The following TLN2 variants were observed in gnomAD, a reference collection of about 807,000 sequenced individuals.
The protein encoded by TLN2 is talin 2, also known as talin-2.
In TLN2, 118 loss-of-function variants were observed where a neutral mutation model predicts 294.7. The ratio of observed to expected loss-of-function variants is 0.40; its 90% confidence interval spans 0.34 to 0.47. The LOEUF (loss-of-function observed/expected upper bound fraction) is 0.47, where lower values mean the gene tolerates loss of function less well. Among genes scored for constraint, TLN2 ranks in the 20% least tolerant of loss-of-function variants. The pLI, the probability that TLN2 is intolerant of heterozygous loss-of-function variation, is 0.84. For missense variants in TLN2, 3,083 were observed against 3,282.2 expected (o/e 0.94, Z 1.48); for synonymous variants, 1,431 against 1,304.5 (o/e 1.10, Z -2.09).
intron 54 of TLN2, among the ~76,000 whole-genome samples, chr15:62,824,943 C>G (rs1459513776): frequency 6.6e-6 from 1 of 152,194 alleles, no homozygotes; most frequent in Non-Finnish European, 1.5e-5. Flanking sequence ...ATGGTTTAAA[C>G]AGGTAGTCAT....
In TLN2 at chr15:62,833,481, ATGCTGTTTT is replaced by A; in HGVS notation, c.7003-22_7003-14del. ...CCTTTGTGGATATGAATTGAATGTG[ATGCTGTTTT>A]CTTTTGGTTATAGCAAGCGGATGAG... On this transcript the variant is annotated splice_polypyrimidine_tract_variant and intron_variant, in intron 54 of 58. Transcript: ENST00000636159. 4.3e-6 allele frequency: 7 copies of A among 1,611,798 alleles called. No individual in the cohort carries two copies. Among genetic ancestry groups the A allele is most frequent in the Non-Finnish European group, 5.9e-6 (7 of 1,178,560 alleles).
rs1006297265 is a variant in TLN2 at position 62,653,421 on chromosome 15, T to G, written c.517+107T>G. On this transcript the variant is annotated intron_variant, in intron 7 of 58. Transcript: ENST00000636159. The stretch of plus-strand genomic sequence containing the variant: ...GGACAGGACTTTTGATTTTTGTTTT[T>G]AAAACTCTATTTTAAAAAAGTAGGC... 3.7e-6 allele frequency: 5 copies of G among 1,338,800 alleles called. No individual in the cohort carries two copies. The African/African-American group carries it at 4.5e-5, about 12-fold the overall frequency. The allele number at this position is 1,338,800 out of a possible 1,614,324, so 82.9% of individuals were successfully genotyped here.
intron 1 of TLN2, among the ~76,000 whole-genome samples, chr15:62,477,270 T>C (rs1182194424): frequency 6.6e-6 from 1 of 152,230 alleles, no homozygotes; most frequent in Non-Finnish European, 1.5e-5. Flanking sequence ...TCTAACAAGA[T>C]ACAGGTGATG....
rs529302514 is a variant in TLN2, at chr15:62,722,259, G to A, written c.2992-94G>A. ...ATTCCTTTTTTTTAGGACAAAATCA[G>A]TTCTTACTGCTGTGGAGACCTCGCT... On this transcript the variant is annotated intron_variant, in intron 25 of 58. Transcript: ENST00000636159. The A allele has an allele frequency of 4.5e-5, 62 of 1,374,580 alleles. 2 individuals carry two copies. In the South Asian group the frequency reaches 9.4e-4, roughly 21 times the overall value. 85.1% of individuals were successfully genotyped at this position (1,374,580 alleles called of 1,614,324 possible).
intron 2 of TLN2, among the ~76,000 whole-genome samples, chr15:62,612,609 C>T (rs984530767): frequency 1.3e-5 from 2 of 152,160 alleles, no homozygotes; most frequent in African/African-American, 4.8e-5. Flanking sequence ...GTCTGAGATA[C>T]AGTGGATAAT....
At chr15:62,604,219 T>A (rs886689512) in intron 2 of TLN2, among the ~76,000 whole-genome samples, 3 of 152,156 alleles carry the variant, frequency 2.0e-5, no homozygotes, top group South Asian at 2.1e-4. Flanking sequence ...AGGGAGCTGC[T>A]CAAAAGGGTT....
At chr15:62,467,459 G>T (rs1022966723) in intron 1 of TLN2, among the ~76,000 whole-genome samples, 1 of 152,138 alleles carries the variant, frequency 6.6e-6, no homozygotes, top group African/African-American at 2.4e-5. Flanking sequence ...TTGGGAGGTC[G>T]AGGTGGGTGG....
At chr15:62,408,772 C>A (rs1425397390) in intron 1 of TLN2, among the ~76,000 whole-genome samples, 1 of 151,958 alleles carries the variant, frequency 6.6e-6, no homozygotes, top group African/African-American at 2.4e-5. Flanking sequence ...TTTGGTAGTC[C>A]AAATTAATTG....
intron 1 of TLN2, among the ~76,000 whole-genome samples, chr15:62,424,079 G>A (rs866447431): frequency 6.6e-6 from 1 of 152,124 alleles, no homozygotes; most frequent in Admixed American, 6.6e-5. Context: ...GTGAAGCATC[G>A]CATAAGTTCC....
At chr15:62,558,893 G>A (rs1198937153) in intron 1 of TLN2, among the ~76,000 whole-genome samples, 2 of 152,132 alleles carry the variant, frequency 1.3e-5, no homozygotes, top group East Asian at 1.9e-4. Context: ...GATAAAAGAG[G>A]GGGCAGGATA....
intron 11 of TLN2, among the ~76,000 whole-genome samples, chr15:62,685,953 C>T (rs1219799712): frequency 6.6e-6 from 1 of 152,016 alleles, no homozygotes; most frequent in African/African-American, 2.4e-5. Context: ...CATTTGTCAC[C>T]CAAGGATCAC....
intron 2 of TLN2, among the ~76,000 whole-genome samples, chr15:62,604,341 C>T (rs2047236434): frequency 6.6e-6 from 1 of 151,696 alleles, no homozygotes; most frequent in Non-Finnish European, 1.5e-5. Context: ...CAAAGTGAAA[C>T]CCCATTTCTT....
intron 1 of TLN2, among the ~76,000 whole-genome samples, chr15:62,548,636 G>C (rs899840072): frequency 1.3e-5 from 2 of 152,240 alleles, no homozygotes; most frequent in East Asian, 3.9e-4. Flanking sequence ...GCAGCCAGGG[G>C]AAATGCCATG....
intron 1 of TLN2, among the ~76,000 whole-genome samples, chr15:62,545,629 T>C (rs2041956538): frequency 6.6e-6 from 1 of 152,062 alleles, no homozygotes; most frequent in African/African-American, 2.4e-5. Flanking sequence ...CAAATTTGCA[T>C]ATCCTTTTTA....
intron 1 of TLN2, among the ~76,000 whole-genome samples, chr15:62,404,346 G>A (rs1018119669): frequency 1.3e-5 from 2 of 152,166 alleles, no homozygotes; most frequent in African/African-American, 4.8e-5. Context: ...GGTTGAAGAT[G>A]ATAAATGGAC....
chr15:62,812,426 G>C (rs1477984203), intron 52 of TLN2, among the ~76,000 whole-genome samples: 2 of 152,196 alleles, frequency 1.3e-5, no homozygotes, highest in South Asian at 4.1e-4. Context: ...GAATGTCACT[G>C]TGTGGGGTCT....
intron 2 of TLN2, among the ~76,000 whole-genome samples, chr15:62,607,580 A>C (rs2140808139): frequency 6.6e-6 from 1 of 152,320 alleles, no homozygotes; most frequent in South Asian, 2.1e-4. Flanking sequence ...TAATAAACGA[A>C]ACGTCCAAAA....
chr15:62,727,687 C>G (rs1485671161), intron 28 of TLN2, among the ~76,000 whole-genome samples: 1 of 152,188 alleles, frequency 6.6e-6, no homozygotes, highest in Non-Finnish European at 1.5e-5. Flanking sequence ...AGGTAGGAGA[C>G]TCCTTAAACA....
intron 26 of TLN2, among the ~76,000 whole-genome samples, chr15:62,722,828 A>G (rs1420617121): frequency 6.6e-6 from 1 of 152,218 alleles, no homozygotes; most frequent in Non-Finnish European, 1.5e-5. Flanking sequence ...AGTGCCAGCT[A>G]AATTGTAGTC....
Sources: gnomAD v4.1 joint callset for allele counts (sites outside exome capture counted in the v4.1 genomes callset) on GRCh38, gnomAD v4.1.1 for gene constraint, MANE v1.5 for transcripts, NCBI Gene and HGNC (gene_info 2026-07-23, HGNC 2026-07-21) for gene names.